The following MAGI1 variants were observed in gnomAD, a reference collection of about 807,000 sequenced individuals.
MAGI1 encodes the protein membrane-associated guanylate kinase, WW and PDZ domain-containing protein 1.
A neutral mutation model predicts 139.9 loss-of-function variants in MAGI1; 58 were observed. That is an observed-to-expected ratio of 0.41 (90% CI 0.34 to 0.52). The LOEUF is 0.52. Ranked by LOEUF, MAGI1 falls within the 20% of genes least tolerant of loss-of-function variation. The pLI, the probability that MAGI1 is intolerant of heterozygous loss-of-function variation, is 0.12. For synonymous variants in MAGI1, 812 were observed against 737.9 expected (o/e 1.10, Z -1.63); for missense variants, 1,874 against 1,901.6 (o/e 0.99, Z 0.27).
At chr3:65,820,124 A>T (rs1234101769) in intron 1 of MAGI1, among the ~76,000 whole-genome samples, 1 of 152,060 alleles carries the variant, frequency 6.6e-6, no homozygotes, top group Non-Finnish European at 1.5e-5. Context: ...GCAACCAAAC[A>T]GAAACAAATC....
intron 1 of MAGI1, among the ~76,000 whole-genome samples, chr3:65,908,524 TCCACCC>T (rs1218311445): frequency 2.0e-5 from 3 of 152,296 alleles, no homozygotes; most frequent in African/African-American, 7.2e-5. Flanking sequence ...GACTTCGTGA[TCCACCC>T]GCCTCGGCCT....
chr3:65,616,256 A>G (rs2106992961), intron 2 of MAGI1, among the ~76,000 whole-genome samples: 1 of 152,280 alleles, frequency 6.6e-6, no homozygotes, highest in Non-Finnish European at 1.5e-5. Context: ...AGTAGGTGGG[A>G]GGAGTCCCCG....
intron 1 of MAGI1, among the ~76,000 whole-genome samples, chr3:65,781,235 A>G (rs780911015): frequency 1.3e-5 from 2 of 152,140 alleles, no homozygotes; most frequent in Non-Finnish European, 2.9e-5. Context: ...AAAAGTTCGG[A>G]TGGAAAACAG....
At chr3:65,633,919 G>A (rs574997841) in intron 1 of MAGI1, among the ~76,000 whole-genome samples, 2 of 152,168 alleles carry the variant, frequency 1.3e-5, no homozygotes, top group Non-Finnish European at 2.9e-5. Flanking sequence ...AGATACGGGT[G>A]TCTGTGCCCT....
rs75077530 is a variant in MAGI1, at chr3:65,441,891, A to C, written c.1136+901T>G. On this transcript the variant is annotated intron_variant, in intron 8 of 22. Transcript: ENST00000402939. The stretch of plus-strand genomic sequence containing the variant: ...CTGGCACTTTTTTCATCTTGTGTTC[A>C]TATCACCAGGGTATTATACAAATGA... Among the ~76,000 whole-genome samples the C allele has an allele frequency of 3.7e-3, 559 of 152,308 alleles. 3 individuals are homozygous for C. Among genetic ancestry groups the C allele is most frequent in the African/African-American group, 0.012 (491 of 41,574 alleles).
intron 1 of MAGI1, among the ~76,000 whole-genome samples, chr3:65,809,577 C>G (rs2041087935): frequency 6.6e-6 from 1 of 152,110 alleles, no homozygotes; most frequent in African/African-American, 2.4e-5. Context: ...TGCAGAAATC[C>G]TGAACAATCA....
chr3:65,844,592 C>G (rs1330352604), intron 1 of MAGI1: 1 of 187,708 alleles, frequency 5.3e-6, no homozygotes, highest in Non-Finnish European at 1.1e-5. Flanking sequence ...TCAAAACACA[C>G]CCTCCACACA....
At chr3:65,912,228 T>A (rs1398338887) in intron 1 of MAGI1, among the ~76,000 whole-genome samples, 1 of 131,238 alleles carries the variant, frequency 7.6e-6, no homozygotes. Flanking sequence ...CAAAGAAAAC[T>A]CTGATCTCAA....
intron 2 of MAGI1, among the ~76,000 whole-genome samples, chr3:65,616,522 G>A (rs931232456): frequency 4.6e-5 from 7 of 152,146 alleles, no homozygotes; most frequent in Non-Finnish European, 8.8e-5. Context: ...CAGAGGATCC[G>A]GTACACAGTA....
intron 1 of MAGI1, among the ~76,000 whole-genome samples, chr3:65,762,894 CA>C (rs2037151148): frequency 6.6e-6 from 1 of 152,192 alleles, no homozygotes; most frequent in African/African-American, 2.4e-5. Context: ...CTACCACTTC[CA>C]GAATGTGGTC....
chr3:65,597,620 G>A (rs1377761483), intron 2 of MAGI1: 2 of 451,166 alleles, frequency 4.4e-6, no homozygotes, highest in Non-Finnish European at 8.9e-6. Flanking sequence ...CTCCTCCCTG[G>A]TCCACACACC....
At chr3:65,867,817 C>A (rs958408268) in intron 1 of MAGI1, among the ~76,000 whole-genome samples, 1 of 152,092 alleles carries the variant, frequency 6.6e-6, no homozygotes, top group Non-Finnish European at 1.5e-5. Context: ...CAGCTCCACA[C>A]CCTAGCCCCC....
intron 1 of MAGI1, among the ~76,000 whole-genome samples, chr3:65,871,633 G>C (rs1203349669): frequency 6.6e-6 from 1 of 152,200 alleles, no homozygotes. Flanking sequence ...TGGAGGGAAG[G>C]AACACGCAGG....
intron 1 of MAGI1, among the ~76,000 whole-genome samples, chr3:65,812,935 T>C (rs1016268671): frequency 1.3e-5 from 2 of 151,438 alleles, no homozygotes; most frequent in African/African-American, 4.9e-5. Context: ...GGTCTCAAAC[T>C]CCTGACCTCA....
intron 1 of MAGI1, among the ~76,000 whole-genome samples, chr3:65,770,060 A>G (rs191755099): frequency 7.7e-4 from 117 of 152,294 alleles, no homozygotes; most frequent in African/African-American, 2.6e-3. Context: ...TACTGCTCTC[A>G]TGAACCTTAT....
At chr3:65,751,833 C>T (rs1052658131) in intron 1 of MAGI1, among the ~76,000 whole-genome samples, 1 of 152,170 alleles carries the variant, frequency 6.6e-6, no homozygotes, top group Non-Finnish European at 1.5e-5. Context: ...ACTTGATCTC[C>T]ATCCAATTTT....
In MAGI1 at chr3:65,356,847, GCGTCCCTC is replaced by G. The variant is rs1940229263; in HGVS notation, c.3912_3919del (p.Arg1305AlafsTer150). On this transcript the variant is annotated frameshift_variant, in exon 23 of 23. Coordinates refer to ENST00000402939, the MANE Select transcript of MAGI1 (RefSeq NM_001033057.2). LOFTEE classifies it low-confidence loss of function (END_TRUNC). Reference sequence around the variant, plus strand: ...GGCGGCTGCCGCGCGCTCGGCCTGCGCGTCCCTCCGTCCCTCCGGCGCCCGGTCCTTGG... The same window carrying G: ...GGCGGCTGCCGCGCGCTCGGCCTGCGCGTCCCTCCGGCGCCCGGTCCTTGG... 6.2e-7 allele frequency: 1 copy of G among 1,613,588 alleles called. No homozygotes were observed. The highest frequency in any genetic ancestry group is 8.5e-7 in the Non-Finnish European group (1 of 1,179,738).
At chr3:65,457,630 T>C (rs1949490688) in intron 5 of MAGI1, among the ~76,000 whole-genome samples, 1 of 152,140 alleles carries the variant, frequency 6.6e-6, no homozygotes, top group African/African-American at 2.4e-5. Context: ...TTCTAGTATA[T>C]AGATATACAC....
intron 1 of MAGI1, among the ~76,000 whole-genome samples, chr3:66,025,370 C>T (rs897087650): frequency 8.1e-4 from 105 of 129,178 alleles, no homozygotes; most frequent in African/African-American, 3.4e-3. Flanking sequence ...GAAACCCTGT[C>T]TCTACCCAAA....
Sources: gnomAD v4.1 joint callset for allele counts (sites outside exome capture counted in the v4.1 genomes callset) on GRCh38, gnomAD v4.1.1 for gene constraint, MANE v1.5 for transcripts, NCBI Gene and HGNC (gene_info 2026-07-23, HGNC 2026-07-21) for gene names.